The following CBFA2T2 variants were observed in gnomAD, a reference collection of about 807,000 sequenced individuals.
CBFA2T2 encodes the protein CBFA2/RUNX1 partner transcriptional co-repressor 2.
Under a neutral mutation model 62.2 loss-of-function variants are expected in CBFA2T2, and 11 were observed. The ratio of observed to expected loss-of-function variants is 0.18; its 90% CI spans 0.11 to 0.29. The LOEUF (loss-of-function observed/expected upper bound fraction) is 0.29. Ranked by LOEUF, CBFA2T2 falls within the 10% of genes least tolerant of loss-of-function variation. CBFA2T2 has a pLI of 1.00. For synonymous variants in CBFA2T2, 295 were observed against 287.5 expected (o/e 1.03, Z -0.27); for missense variants, 592 against 774.1 (o/e 0.76, Z 2.79).
intron 1 of CBFA2T2, among the ~76,000 whole-genome samples, chr20:33,491,083 C>G (rs1003344608): frequency 3.3e-5 from 5 of 152,108 alleles, no homozygotes; most frequent in South Asian, 2.1e-4. Context: ...CAGTATTTAT[C>G]TAGTGTTCCT....
chr20:33,569,997 A>C (rs1283694645), intron 1 of CBFA2T2, among the ~76,000 whole-genome samples: 1 of 152,128 alleles, frequency 6.6e-6, no homozygotes, highest in Non-Finnish European at 1.5e-5. Flanking sequence ...CATTCAAGAC[A>C]AGCCTGGGCA....
At chr20:33,586,562 AG>A (rs1430610715) in intron 1 of CBFA2T2, among the ~76,000 whole-genome samples, 1 of 152,168 alleles carries the variant, frequency 6.6e-6, no homozygotes, top group Non-Finnish European at 1.5e-5. Flanking sequence ...GTTGTATGTG[AG>A]CCATTTATAT....
chr20:33,566,649 A>C (rs950593576), intron 1 of CBFA2T2, among the ~76,000 whole-genome samples: 13 of 152,030 alleles, frequency 8.6e-5, no homozygotes, highest in Non-Finnish European at 1.3e-4. Flanking sequence ...GAAAATTAGC[A>C]CCAACTGTAG....
At chr20:33,581,227 T>G (rs2014098511) in intron 1 of CBFA2T2, among the ~76,000 whole-genome samples, 1 of 151,946 alleles carries the variant, frequency 6.6e-6, no homozygotes. Flanking sequence ...CCTGGCTAAT[T>G]TTTGTATTTT....
intron 1 of CBFA2T2, among the ~76,000 whole-genome samples, chr20:33,515,799 C>G (rs1388400785): frequency 2.5e-5 from 1 of 39,546 alleles, no homozygotes; most frequent in Non-Finnish European, 5.1e-5. Flanking sequence ...GAGACTCCAT[C>G]TCAAAAAAAA....
At chr20:33,494,852 C>A (rs1244677256) in intron 1 of CBFA2T2, among the ~76,000 whole-genome samples, 3 of 151,966 alleles carry the variant, frequency 2.0e-5, no homozygotes, top group Admixed American at 2.0e-4. Flanking sequence ...CCCGTCTCAG[C>A]CTCCCAAAGT....
At chr20:33,554,468 C>T (rs553403124) in intron 1 of CBFA2T2, among the ~76,000 whole-genome samples, 12 of 151,786 alleles carry the variant, frequency 7.9e-5, no homozygotes, top group Admixed American at 3.9e-4. Flanking sequence ...AGGCTGTTCT[C>T]GAACTCCTGA....
intron 1 of CBFA2T2, among the ~76,000 whole-genome samples, chr20:33,515,298 C>T (rs1488584989): frequency 1.4e-5 from 2 of 143,234 alleles, no homozygotes; most frequent in Non-Finnish European, 3.0e-5. Flanking sequence ...TTGCAGTGAG[C>T]CAAGATCGTG....
Position 33,636,622 on chromosome 20 carries a change from T to G in CBFA2T2, c.1229-18T>G. The G allele has an allele frequency of 6.2e-7, 1 of 1,606,718 alleles. No individual in the cohort carries two copies. The highest frequency in any genetic ancestry group is 8.5e-7 in the Non-Finnish European group (1 of 1,173,654). On this transcript the variant is annotated intron_variant, in intron 8 of 10. Transcript: ENST00000342704. The stretch of plus-strand genomic sequence containing the variant: ...ATAGACAGCTTCTGACCCTATGCTT[T>G]TTATGTCTCTTCTGCAGATTCTCAG...
intron 1 of CBFA2T2, among the ~76,000 whole-genome samples, chr20:33,593,799 G>A (rs1236769831): frequency 6.6e-6 from 1 of 151,982 alleles, no homozygotes; most frequent in Non-Finnish European, 1.5e-5. Flanking sequence ...GAGTAAAAAG[G>A]ATAAATGACC....
intron 9 of CBFA2T2, among the ~76,000 whole-genome samples, chr20:33,637,672 T>G (rs1433092702): frequency 1.4e-5 from 2 of 145,458 alleles, no homozygotes; most frequent in African/African-American, 2.5e-5. Context: ...CACTTTTCCT[T>G]TTTTTTTTTT....
At chr20:33,567,129 T>C (rs2013354310) in intron 1 of CBFA2T2, among the ~76,000 whole-genome samples, 1 of 152,204 alleles carries the variant, frequency 6.6e-6, no homozygotes. Context: ...CAAACAGCAT[T>C]TGACTTTTGA....
chr20:33,639,373 G>A (rs1221892782), intron 9 of CBFA2T2: 1 of 152,256 alleles, frequency 6.6e-6, no homozygotes, highest in East Asian at 1.9e-4. Flanking sequence ...AAGAGATCGA[G>A]ACCATCCTGG....
chr20:33,626,122 A>G (rs2016216046), intron 6 of CBFA2T2, among the ~76,000 whole-genome samples: 1 of 152,096 alleles, frequency 6.6e-6, no homozygotes, highest in Non-Finnish European at 1.5e-5. Context: ...AAACCAAACA[A>G]AAAACAAACA....
intron 4 of CBFA2T2, 82 bp from the exon 5 acceptor site, chr20:33,623,033 A>ATC: frequency 5.3e-6 from 7 of 1,328,932 alleles, no homozygotes; most frequent in Non-Finnish European, 6.4e-6. Context: ...ATCTTGTATC[A>ATC]TCTGCTTTGT....
intron 1 of CBFA2T2, among the ~76,000 whole-genome samples, chr20:33,566,986 A>G (rs965528405): frequency 3.3e-5 from 5 of 152,180 alleles, no homozygotes; most frequent in African/African-American, 7.2e-5. Flanking sequence ...TGCTACCATG[A>G]TGGACTCTGT....
chr20:33,644,672 G>C lies in CBFA2T2; in HGVS notation c.*26G>C. 3.2e-6 allele frequency: 5 copies of C among 1,573,070 alleles called. No homozygotes were observed. Among genetic ancestry groups the C allele is most frequent in the Non-Finnish European group, 4.3e-6 (5 of 1,154,242 alleles). ...GCCCCGGACTCTGCTTACCCTGATGGCTGCTCAGCACCACAGAGTGCTTGG... is the reference window on the plus strand; with the variant it reads ...GCCCCGGACTCTGCTTACCCTGATGCCTGCTCAGCACCACAGAGTGCTTGG... On this transcript the variant is annotated 3_prime_UTR_variant, in exon 11 of 11. Transcript: ENST00000342704.
At chr20:33,547,810 T>C (rs1367145523) in intron 1 of CBFA2T2, among the ~76,000 whole-genome samples, 1 of 152,106 alleles carries the variant, frequency 6.6e-6, no homozygotes, top group Non-Finnish European at 1.5e-5. Context: ...GTATTTTGAA[T>C]GAAGGCATGT....
intron 1 of CBFA2T2, among the ~76,000 whole-genome samples, chr20:33,540,660 A>G (rs2012388241): frequency 6.6e-6 from 1 of 152,212 alleles, no homozygotes; most frequent in African/African-American, 2.4e-5. Context: ...GCTAGTTAGC[A>G]TTTTAAAGTA....
Sources: allele counts gnomAD v4.1 joint callset (sites outside exome capture counted in the v4.1 genomes callset), GRCh38; gene constraint gnomAD v4.1.1; transcripts MANE v1.5; gene names NCBI Gene and HGNC (gene_info 2026-07-23, HGNC 2026-07-21).